Variants in MEOX2 observed in about 807,000 individuals in gnomAD.
The protein encoded by MEOX2 is mesenchyme homeobox 2.
Under a neutral mutation model 27.0 loss-of-function variants are expected in MEOX2, and 11 were observed. That is an observed-to-expected ratio of 0.41 (90% confidence interval 0.26 to 0.68). The LOEUF (loss-of-function observed/expected upper bound fraction) is 0.68. Among genes scored for constraint, MEOX2 ranks in the 30% least tolerant of loss-of-function variants. The pLI is 0.33. For synonymous variants in MEOX2, 189 were observed against 155.4 expected, an observed-to-expected ratio of 1.22 and a Z score of -1.61; for missense variants, 436 against 385.4, an observed-to-expected ratio of 1.13 and a Z score of -1.10.
In MEOX2 at chr7:15,651,343, A is replaced by G. The variant is rs181405554; in HGVS notation, c.518-24425T>C. ...GCATTGTAGGTATTGAATAAAAAAT[A>G]ATCAGTTAACTCTGGCATGTTCTTA... On this transcript the variant is annotated intron_variant, in intron 1 of 2. Coordinates refer to ENST00000262041, the MANE Select transcript of MEOX2 (RefSeq NM_005924.5). 3.9e-5 allele frequency among the ~76,000 whole-genome samples: 6 copies of G among 152,204 alleles called. No homozygotes were observed. The East Asian group carries it at 1.2e-3, about 29-fold the overall frequency.
intron 2 of MEOX2, among the ~76,000 whole-genome samples, chr7:15,617,842 C>G (rs1198339582): frequency 1.3e-5 from 2 of 152,076 alleles, no homozygotes; most frequent in Non-Finnish European, 2.9e-5. Context: ...TCTTGTGGAT[C>G]AGGCTCATTA....
intron 2 of MEOX2, among the ~76,000 whole-genome samples, chr7:15,623,497 G>A (rs1293906314): frequency 6.6e-6 from 1 of 152,088 alleles, no homozygotes; most frequent in Non-Finnish European, 1.5e-5. Flanking sequence ...AGCCTCCCAT[G>A]TACCTAGGAT....
intron 2 of MEOX2, among the ~76,000 whole-genome samples, chr7:15,623,915 C>G (rs1276393056): frequency 2.0e-5 from 3 of 152,210 alleles, no homozygotes; most frequent in Non-Finnish European, 4.4e-5. Flanking sequence ...CAGCACTTAG[C>G]TCAACAAATA....
At chr7:15,634,794 T>C (rs1781457016) in intron 1 of MEOX2, among the ~76,000 whole-genome samples, 1 of 151,968 alleles carries the variant, frequency 6.6e-6, no homozygotes. Context: ...GCAGATAAAA[T>C]TGTTCAAGAA....
At position 15,686,571 on chromosome 7, in the gene MEOX2, C is replaced by A. The variant is rs1290468876; in HGVS notation, c.-169G>T. The A allele has an allele frequency of 6.1e-6, 4 of 654,164 alleles. No individual in the cohort carries two copies. The highest frequency in any genetic ancestry group is 1.8e-5 in the African/African-American group (1 of 54,706). 40.5% of individuals were successfully genotyped at this position (654,164 alleles called of 1,614,324 possible). A position where few individuals can be genotyped will look rare whatever the true frequency, so the allele number is the denominator to read the frequency against. ...AATCCCGGTCCTGAGCCCCAGCGGC[C>A]AGTCTCCTTTACATATGAACAGTCG... On this transcript the variant is annotated 5_prime_UTR_variant, in exon 1 of 3. Transcript: ENST00000262041.
intron 1 of MEOX2, among the ~76,000 whole-genome samples, chr7:15,629,469 A>C (rs1781366527): frequency 6.6e-6 from 1 of 152,090 alleles, no homozygotes; most frequent in African/African-American, 2.4e-5. Context: ...AGTGAAATCC[A>C]ATGACTAAAA....
intron 2 of MEOX2, among the ~76,000 whole-genome samples, chr7:15,614,316 G>A (rs13227097): frequency 0.67 from 102,192 of 151,764 alleles, 34,658 homozygotes; most frequent in East Asian, 0.81. Context: ...CAGGAGGCTA[G>A]GGTTGGAGGA....
At chr7:15,647,653 T>G (rs1781672814) in intron 1 of MEOX2, among the ~76,000 whole-genome samples, 1 of 152,094 alleles carries the variant, frequency 6.6e-6, no homozygotes, top group African/African-American at 2.4e-5. Flanking sequence ...ATAATGGCAA[T>G]GCTAGATGGC....
In MEOX2 at chr7:15,612,442, A is replaced by T; in HGVS notation, c.860T>A (p.Ile287Lys). The T allele has an allele frequency of 2.5e-6, 4 of 1,614,114 alleles. No homozygotes were observed. The African/African-American group carries it at 4.0e-5, about 16-fold the overall frequency. ...ACTGTCGTGACTGTCTTCATTTGCT[A>T]TAGAGTCCCCTGTTTGCTGGAGGGT... ...AATLQQTGDS[I>K]ANEDSHDSDH... The change falls in exon 3 of 3, where the codon ATA (isoleucine) becomes AAA (lysine). Residue 287 changes from isoleucine (I) to lysine (K), a missense_variant. By Grantham distance (102) the Ile-to-Lys change is moderately radical (BLOSUM62 -3). Coordinates refer to ENST00000262041, the MANE Select transcript of MEOX2 (RefSeq NM_005924.5).
chr7:15,617,764 A>C (rs774044354), intron 2 of MEOX2, among the ~76,000 whole-genome samples: 3 of 152,078 alleles, frequency 2.0e-5, no homozygotes, highest in Admixed American at 1.3e-4. Context: ...CTGATTTAGC[A>C]CATTGGGAAT....
chr7:15,617,318 G>C (rs1781139198), intron 2 of MEOX2, among the ~76,000 whole-genome samples: 1 of 151,874 alleles, frequency 6.6e-6, no homozygotes, highest in Admixed American at 6.6e-5. Context: ...TTATATCTTT[G>C]AGATGTGAAA....
intron 1 of MEOX2, chr7:15,667,857 A>T (rs1036481788): frequency 4.6e-5 from 7 of 152,348 alleles, no homozygotes; most frequent in East Asian, 3.9e-4. Flanking sequence ...ACCTGAGAAT[A>T]GCTCAGCTAC....
At chr7:15,666,104 A>G (rs1782000551) in intron 1 of MEOX2, among the ~76,000 whole-genome samples, 1 of 152,188 alleles carries the variant, frequency 6.6e-6, no homozygotes, top group South Asian at 2.1e-4. Flanking sequence ...AAATAAAGGA[A>G]GAAATGCCAA....
chr7:15,666,617 T>A (rs1313218996), intron 1 of MEOX2, among the ~76,000 whole-genome samples: 1 of 151,238 alleles, frequency 6.6e-6, no homozygotes, highest in Non-Finnish European at 1.5e-5. Context: ...CCGGGCGTTG[T>A]GGTATGTGCC....
At chr7:15,671,000 G>C (rs1164952970) in intron 1 of MEOX2, among the ~76,000 whole-genome samples, 3 of 152,294 alleles carry the variant, frequency 2.0e-5, no homozygotes, top group African/African-American at 7.2e-5. Flanking sequence ...GGGACACTAT[G>C]AGGCAGTAGT....
At chr7:15,641,859 C>T (rs758617541) in intron 1 of MEOX2, among the ~76,000 whole-genome samples, 2 of 151,954 alleles carry the variant, frequency 1.3e-5, no homozygotes, top group African/African-American at 2.4e-5. Flanking sequence ...TATTTTATTT[C>T]TCCTTCATTT....
chr7:15,622,281 ATG>A (rs762474305), intron 2 of MEOX2, among the ~76,000 whole-genome samples: 3 of 152,126 alleles, frequency 2.0e-5, no homozygotes, highest in Non-Finnish European at 4.4e-5. Flanking sequence ...ATCTGTGTAT[ATG>A]TGTGTGTATG....
rs1016407963 is a variant in MEOX2, at chr7:15,612,024, T to C, written c.*363A>G. The C allele has an allele frequency of 3.9e-6, 1 of 254,942 alleles. No homozygotes were observed. The highest frequency in any genetic ancestry group is 2.2e-5 in the African/African-American group (1 of 45,780). The allele number at this position is 254,942 out of a possible 1,614,324, so 15.8% of individuals were successfully genotyped here. A position where few individuals can be genotyped will look rare whatever the true frequency, so the allele number is the denominator to read the frequency against. On this transcript the variant is annotated 3_prime_UTR_variant, in exon 3 of 3. Transcript: ENST00000262041. ...ATCTGGAATGTTCAATGCAAGTTCA[T>C]CCTCGGCATCTTCACTCTGGAGACA...
chr7:15,661,718 G>C (rs1781922464), intron 1 of MEOX2, among the ~76,000 whole-genome samples: 1 of 152,164 alleles, frequency 6.6e-6, no homozygotes, highest in Non-Finnish European at 1.5e-5. Flanking sequence ...AACGATTAGG[G>C]CAGTGCTATA....
Sources: gnomAD v4.1 joint callset for allele counts (sites outside exome capture counted in the v4.1 genomes callset) on GRCh38, gnomAD v4.1.1 for gene constraint, MANE v1.5 for transcripts, NCBI Gene and HGNC (gene_info 2026-07-23, HGNC 2026-07-21) for gene names.